Variants in PRKACB observed in about 807,000 individuals in gnomAD.
PRKACB encodes the protein protein kinase cAMP-activated catalytic subunit beta.
A neutral mutation model predicts 51.4 loss-of-function variants in PRKACB; 16 were observed. The observed-to-expected ratio is 0.31, with a 90% CI of 0.21 to 0.47. The LOEUF (loss-of-function observed/expected upper bound fraction) is 0.47. Ranked by LOEUF, PRKACB falls within the 20% of genes least tolerant of loss-of-function variation. PRKACB has a pLI of 1.00. For synonymous variants in PRKACB, 147 were observed against 154.4 expected (o/e 0.95, Z 0.35); for missense variants, 309 against 464.5 (o/e 0.67, Z 3.08).
At chr1:84,109,331 C>T (rs894909718) in intron 1 of PRKACB, among the ~76,000 whole-genome samples, 1 of 151,900 alleles carries the variant, frequency 6.6e-6, no homozygotes, top group Non-Finnish European at 1.5e-5. Flanking sequence ...TATGAATTTG[C>T]ACTACTAGCA....
intron 9 of PRKACB, 57 bp downstream of exon 9, chr1:84,214,374 G>A: frequency 2.1e-6 from 3 of 1,418,048 alleles, no homozygotes; most frequent in Non-Finnish European, 2.8e-6. Context: ...TAAATTATAT[G>A]TGGTGGAGAT....
At position 84,199,914 on chromosome 1, in the gene PRKACB, C is replaced by T. The variant is rs186099277; in HGVS notation, c.783+2090C>T. On this transcript the variant is annotated intron_variant, in intron 7 of 9. Transcript: ENST00000370685. ...AGGCTGCAGTGCAGTGGCGTGATCT[C>T]GGTTCACTACAACCTCTGCCTCCTG... 2.5e-3 allele frequency among the ~76,000 whole-genome samples: 378 copies of T among 152,136 alleles called. 1 individual carries two copies. Among genetic ancestry groups the T allele is most frequent in the Non-Finnish European group, 3.5e-3 (239 of 67,992 alleles).
At chr1:84,198,586 C>T (rs982466790) in intron 7 of PRKACB, among the ~76,000 whole-genome samples, 1 of 151,912 alleles carries the variant, frequency 6.6e-6, no homozygotes, top group African/African-American at 2.4e-5. Context: ...TAATATGTAA[C>T]TTCTTGATAT....
chr1:84,164,397 C>G (rs1444892792), intron 1 of PRKACB: 2 of 1,574,124 alleles, frequency 1.3e-6, no homozygotes, highest in Non-Finnish European at 1.7e-6. Flanking sequence ...GCTGTTTGCT[C>G]CTTGCCAGGT....
chr1:84,142,731 A>G (rs1653544206), upstream of PRKACB, among the ~76,000 whole-genome samples: 1 of 152,220 alleles, frequency 6.6e-6, no homozygotes, highest in South Asian at 2.1e-4. Flanking sequence ...TCTTATAGAT[A>G]CTGTTACATA....
At chr1:84,192,409 G>A (rs764316028) in intron 5 of PRKACB, among the ~76,000 whole-genome samples, 1 of 151,796 alleles carries the variant, frequency 6.6e-6, no homozygotes, top group Non-Finnish European at 1.5e-5. Flanking sequence ...TTTAGTATAG[G>A]GACAGTGTCC....
rs866360575 is a variant in PRKACB at position 84,119,926 on chromosome 1, G to A, written c.46+41555G>A. 9.2e-5 allele frequency among the ~76,000 whole-genome samples: 14 copies of A among 152,052 alleles called. No homozygotes were observed. In the Middle Eastern group the frequency reaches 0.01, roughly 111 times the overall value. On this transcript the variant is annotated intron_variant, in intron 1 of 8. Transcript: ENST00000370688. ...GACCTTGGTAGTGTTTCCTATATTGGAATACTGAAGTCTTCTCTGTTTTTA... is the reference window on the plus strand; with the variant it reads ...GACCTTGGTAGTGTTTCCTATATTGAAATACTGAAGTCTTCTCTGTTTTTA...
chr1:84,156,304 T>G (rs1405257327), intron 1 of PRKACB, among the ~76,000 whole-genome samples: 1 of 152,168 alleles, frequency 6.6e-6, no homozygotes, highest in Non-Finnish European at 1.5e-5. Context: ...ATATCACTTT[T>G]AGCCACTGTT....
chr1:84,197,740 T>G lies in PRKACB; in HGVS notation c.699T>G (p.Phe233Leu), dbSNP rs748278602. The G allele has an allele frequency of 1.2e-6, 2 of 1,608,768 alleles. No individual in the cohort carries two copies. Among genetic ancestry groups the G allele is most frequent in the African/African-American group, 2.7e-5 (2 of 74,746 alleles). The change falls in exon 7 of 10, where the codon TTT becomes TTG. Residue 233 changes from phenylalanine to leucine, a missense_variant. This residue lies in a region of PRKACB where 60 missense variants were observed against 144.4 expected (regional missense o/e 0.42). Coordinates refer to ENST00000370685, the MANE Select transcript of PRKACB (RefSeq NM_182948.4). Reference sequence around the variant, plus strand: ...TTTTTCTTTTATAGGTCACAGACTTTGGGTTTGCCAAAAGAGTTAAAGGCA... The same window carrying G: ...TTTTTCTTTTATAGGTCACAGACTTGGGGTTTGCCAAAAGAGTTAAAGGCA... ...DHQGYIQVTD[F>L]GFAKRVKGRT...
Position 84,202,825 on chromosome 1 carries a change from A to T in PRKACB, c.906+20A>T. 6.4e-7 allele frequency: 1 copy of T among 1,563,618 alleles called. No homozygotes were observed. Among genetic ancestry groups the T allele is most frequent in the Non-Finnish European group, 8.8e-7 (1 of 1,137,626 alleles). On this transcript the variant is annotated intron_variant, in intron 8 of 9. Coordinates refer to ENST00000370685, the MANE Select transcript of PRKACB (RefSeq NM_182948.4). ...GGAAAGGTAAGTAAAACATTTTATT[A>T]TTCCTCTCTTATTACTGTATATGAA...
intron 9 of PRKACB, among the ~76,000 whole-genome samples, chr1:84,234,656 G>A (rs1050311899): frequency 3.3e-5 from 5 of 152,164 alleles, no homozygotes; most frequent in Non-Finnish European, 7.4e-5. Context: ...CGCAGTATTC[G>A]GGTGGGAGTG....
chr1:84,169,473 C>A (rs1331223232), intron 1 of PRKACB, among the ~76,000 whole-genome samples: 2 of 151,544 alleles, frequency 1.3e-5, no homozygotes, highest in African/African-American at 4.8e-5. Context: ...GCAATAAAAA[C>A]CAGAATAATC....
At chr1:84,139,690 G>A (rs1249232444), upstream of PRKACB, among the ~76,000 whole-genome samples, 1 of 152,150 alleles carries the variant, frequency 6.6e-6, no homozygotes, top group African/African-American at 2.4e-5. Context: ...GATTATATTT[G>A]TAGACATAGA....
chr1:84,078,502 G>A, intron 1 of PRKACB: 1 of 1,030,412 alleles, frequency 9.7e-7, no homozygotes, highest in Non-Finnish European at 1.4e-6. Context: ...GTCGTTCTGG[G>A]GGGCCGGGAG....
intron 9 of PRKACB, among the ~76,000 whole-genome samples, chr1:84,228,722 T>A (rs1424482071): frequency 6.6e-6 from 1 of 152,114 alleles, no homozygotes; most frequent in Non-Finnish European, 1.5e-5. Context: ...GGCCAGATAT[T>A]TTAAACAAAA....
chr1:84,155,541 A>G (rs1178668505), intron 1 of PRKACB, among the ~76,000 whole-genome samples: 1 of 152,206 alleles, frequency 6.6e-6, no homozygotes, highest in Non-Finnish European at 1.5e-5. Flanking sequence ...TAGAAACACA[A>G]AAGACCCTAA....
At chr1:84,097,782 A>T (rs2100796144) in intron 1 of PRKACB, among the ~76,000 whole-genome samples, 1 of 152,156 alleles carries the variant, frequency 6.6e-6, no homozygotes, top group East Asian at 1.9e-4. Context: ...GTCTTAAAAG[A>T]AAAGAAAAAA....
chr1:84,179,079 CT>C (rs1362035564), intron 1 of PRKACB, 97 bp from the exon 2 acceptor site: 11 of 1,327,784 alleles, frequency 8.3e-6, no homozygotes, highest in East Asian at 8.1e-5. Context: ...GATGACATGT[CT>C]TTTTTTAAGT....
chr1:84,147,947 A>G (rs923914826), intron 1 of PRKACB, among the ~76,000 whole-genome samples: 1 of 152,180 alleles, frequency 6.6e-6, no homozygotes, highest in African/African-American at 2.4e-5. Flanking sequence ...GGAAAATAAT[A>G]TAATGCAACC....
Sources: allele counts gnomAD v4.1 joint callset (sites outside exome capture counted in the v4.1 genomes callset), GRCh38; gene constraint gnomAD v4.1.1; regional missense constraint gnomAD v4.1.1; transcripts MANE v1.5; gene names NCBI Gene and HGNC (gene_info 2026-07-23, HGNC 2026-07-21).